The following PPP1R9A variants were observed in gnomAD, a reference collection of about 807,000 sequenced individuals.
PPP1R9A encodes neurabin-1.
In PPP1R9A, 59 loss-of-function variants were observed where a neutral mutation model predicts 141.9. The observed-to-expected ratio is 0.42, with a 90% CI of 0.34 to 0.52. The LOEUF (loss-of-function observed/expected upper bound fraction) is 0.52, where lower values mean the gene tolerates loss of function less well. Ranked by LOEUF, PPP1R9A falls within the 20% of genes least tolerant of loss-of-function variation. The probability of loss-of-function intolerance (pLI) is 0.10; values close to 1 mark genes in which losing one functional copy is unlikely to be tolerated. For missense variants in PPP1R9A, 1,444 were observed against 1,611.9 expected, an observed-to-expected ratio of 0.90 and a Z score of 1.78; for synonymous variants, 500 against 569.7, an observed-to-expected ratio of 0.88 and a Z score of 1.74.
intron 18 of PPP1R9A, among the ~76,000 whole-genome samples, chr7:95,287,444 C>T: frequency 6.6e-6 from 1 of 152,170 alleles, no homozygotes; most frequent in East Asian, 1.9e-4. Context: ...ATCCCTTCTT[C>T]TGTGTTCCCT....
intron 2 of PPP1R9A, among the ~76,000 whole-genome samples, chr7:95,022,416 A>G (rs1307329551): frequency 2.0e-5 from 3 of 152,178 alleles, no homozygotes; most frequent in Non-Finnish European, 2.9e-5. Context: ...CAATTATGTC[A>G]TCTGCAAATA....
At position 95,296,272 on chromosome 7, in the gene PPP1R9A, C is replaced by T. The variant is rs1322907901; in HGVS notation, c.*5969C>T. 1 of 152,622 alleles carries T rather than the reference C, an allele frequency of 6.6e-6. No homozygotes were observed. Among genetic ancestry groups the T allele is most frequent in the African/African-American group, 2.4e-5 (1 of 41,446 alleles). 9.5% of individuals were successfully genotyped at this position (152,622 alleles called of 1,614,324 possible). A position where few individuals can be genotyped will look rare whatever the true frequency, so the allele number is the denominator to read the frequency against. ...TCAGAGGCATTCAAGCAAAATATCA[C>T]AGTGGTCTTTTGTTTTCTGACCAAT... is the stretch of plus-strand genomic sequence containing the variant. On this transcript the variant is annotated 3_prime_UTR_variant, in exon 20 of 20. Transcript: ENST00000433360.
intron 2 of PPP1R9A, among the ~76,000 whole-genome samples, chr7:94,986,526 A>G (rs1800858389): frequency 6.6e-6 from 1 of 152,182 alleles, no homozygotes; most frequent in Non-Finnish European, 1.5e-5. Flanking sequence ...GCTAGAAGAG[A>G]GGAATAAATT....
intron 2 of PPP1R9A, among the ~76,000 whole-genome samples, chr7:94,996,963 C>T (rs756293027): frequency 2.0e-5 from 3 of 151,924 alleles, no homozygotes; most frequent in East Asian, 1.9e-4. Flanking sequence ...CTACCACGCC[C>T]GGCTAATTTT....
chr7:94,928,827 T>C (rs563235462), intron 2 of PPP1R9A, among the ~76,000 whole-genome samples: 14 of 152,324 alleles, frequency 9.2e-5, no homozygotes, highest in African/African-American at 3.1e-4. Flanking sequence ...GAGGGAGATA[T>C]AGATGACAGA....
At chr7:95,249,047 G>A (rs1798523915) in intron 9 of PPP1R9A, among the ~76,000 whole-genome samples, 1 of 152,050 alleles carries the variant, frequency 6.6e-6, no homozygotes, top group African/African-American at 2.4e-5. Context: ...GAGTTATTGG[G>A]AATGACTTTT....
chr7:95,065,630 C>G (rs1326643145), intron 2 of PPP1R9A, among the ~76,000 whole-genome samples: 1 of 152,096 alleles, frequency 6.6e-6, no homozygotes, highest in African/African-American at 2.4e-5. Context: ...CAATAAACTA[C>G]TGTTATTCTT....
rs756163766 is a variant in PPP1R9A at position 95,120,809 on chromosome 7, T to C, written c.1626T>C (p.Gly542=). Reference sequence around the variant, plus strand: ...TATTCGTCAAGACAGTAACAGAAGGTGGTGCTGCTCAACGGGATGGCAGGT... The same window carrying C: ...TATTCGTCAAGACAGTAACAGAAGGCGGTGCTGCTCAACGGGATGGCAGGT... ...LGIFVKTVTE[G]GAAQRDGRIQ... Residue 542 remains glycine (G), a synonymous_variant, in exon 4 of 20, where the codon GGT becomes GGC. Coordinates refer to ENST00000433360, the MANE Select transcript of PPP1R9A (RefSeq NM_001166160.2). 1 of 1,613,700 alleles carries C rather than the reference T, an allele frequency of 6.2e-7. No individual in the cohort carries two copies. The highest frequency in any genetic ancestry group is 2.2e-5 in the East Asian group (1 of 44,854).
intron 11 of PPP1R9A, 46 bp downstream of exon 11, chr7:95,251,904 G>A (rs756397085): frequency 1.2e-6 from 2 of 1,608,768 alleles, no homozygotes; most frequent in East Asian, 2.2e-5. Context: ...TGGTTTTGCT[G>A]TACTTGGAGG....
intron 2 of PPP1R9A, among the ~76,000 whole-genome samples, chr7:95,032,056 G>A (rs946523702): frequency 1.4e-4 from 21 of 152,260 alleles, no homozygotes; most frequent in African/African-American, 5.1e-4. Flanking sequence ...ATGATATATA[G>A]CCTTTTGAGA....
intron 2 of PPP1R9A, among the ~76,000 whole-genome samples, chr7:95,042,918 T>TA (rs56012240): frequency 0.4 from 60,277 of 149,718 alleles, 12,797 homozygotes; most frequent in Middle Eastern, 0.51. Flanking sequence ...ATATTTTTGT[T>TA]AAAAAAAAAA....
rs559548153 is a variant in PPP1R9A, at chr7:95,074,373, T to C, written c.1396-36886T>C. 4.6e-5 allele frequency among the ~76,000 whole-genome samples: 7 copies of C among 152,250 alleles called. No individual in the cohort carries two copies. The East Asian group carries it at 1.4e-3, about 29-fold the overall frequency. ...TGAAACAATGCTGCAAAGACCGTCT[T>C]TATTATTAGGATTTTGTACTTGTGA... On this transcript the variant is annotated intron_variant, in intron 2 of 19. Coordinates refer to ENST00000433360, the MANE Select transcript of PPP1R9A (RefSeq NM_001166160.2).
intron 2 of PPP1R9A, among the ~76,000 whole-genome samples, chr7:94,977,799 G>T (rs949707824): frequency 5.2e-4 from 72 of 137,648 alleles, no homozygotes; most frequent in African/African-American, 1.8e-3. Flanking sequence ...ATCTTGCTCT[G>T]TCACCCAGGC....
At chr7:95,099,201 A>G (rs899022564) in intron 2 of PPP1R9A, among the ~76,000 whole-genome samples, 4 of 152,224 alleles carry the variant, frequency 2.6e-5, no homozygotes, top group Non-Finnish European at 4.4e-5. Flanking sequence ...CTGCATCTGT[A>G]AAAGAGTGTT....
At chr7:94,949,323 C>G (rs1423797054) in intron 2 of PPP1R9A, among the ~76,000 whole-genome samples, 1 of 152,030 alleles carries the variant, frequency 6.6e-6, no homozygotes, top group Non-Finnish European at 1.5e-5. Context: ...CCCACACATG[C>G]AGGGAGGAGG....
intron 2 of PPP1R9A, among the ~76,000 whole-genome samples, chr7:94,984,096 T>C (rs1425185590): frequency 1.3e-5 from 2 of 152,148 alleles, no homozygotes; most frequent in African/African-American, 4.8e-5. Context: ...AATCATGTGG[T>C]TTTTGTCTTT....
intron 9 of PPP1R9A, 112 bp downstream of exon 9, chr7:95,247,638 T>C (rs1468077851): frequency 2.3e-6 from 2 of 862,700 alleles, no homozygotes; most frequent in South Asian, 3.9e-5. Flanking sequence ...AGAATGCAAA[T>C]GTGATAGATT....
At chr7:95,183,081 A>T (rs887997785) in intron 5 of PPP1R9A, among the ~76,000 whole-genome samples, 1 of 148,370 alleles carries the variant, frequency 6.7e-6, no homozygotes, top group Non-Finnish European at 1.5e-5. Context: ...GTGTTAGGCA[A>T]TTTTTTTTTT....
Position 95,269,446 on chromosome 7 carries a change from T to G in PPP1R9A, c.3063T>G (p.His1021Gln). Residue 1021 changes from histidine to glutamine, a missense_variant, in exon 14 of 20, where the codon CAT becomes CAG. Transcript: ENST00000433360. ...TSLFSTSKSD[H>Q]DVEESPCHHQ... ...TGTTTTCTACTTCAAAGTCTGATCA[T>G]GATGTGGAAGAATCTCCTTGCCATC... 1 of 1,591,458 alleles carries G rather than the reference T, an allele frequency of 6.3e-7. No homozygotes were observed. Among genetic ancestry groups the G allele is most frequent in the Non-Finnish European group, 8.5e-7 (1 of 1,173,466 alleles).
Sources: gnomAD v4.1 joint callset for allele counts (sites outside exome capture counted in the v4.1 genomes callset) on GRCh38, gnomAD v4.1.1 for gene constraint, MANE v1.5 for transcripts, NCBI Gene and HGNC (gene_info 2026-07-23, HGNC 2026-07-21) for gene names.